The following RORA variants were observed in gnomAD, a reference collection of about 807,000 sequenced individuals.
The protein encoded by RORA is nuclear receptor ROR-alpha.
Under a neutral mutation model 69.5 loss-of-function variants are expected in RORA, and 7 were observed. The ratio of observed to expected loss-of-function variants is 0.10; its 90% CI spans 0.06 to 0.19. The LOEUF is 0.19. Among genes scored for constraint, RORA ranks in the 10% least tolerant of loss-of-function variants. RORA has a pLI of 1.00. For missense variants in RORA, 457 were observed against 663.0 expected (o/e 0.69, Z 3.41); for synonymous variants, 261 against 240.8 (o/e 1.08, Z -0.78).
At chr15:61,225,249 GC>G (rs1219072810) in intron 1 of RORA, among the ~76,000 whole-genome samples, 1 of 152,012 alleles carries the variant, frequency 6.6e-6, no homozygotes, top group East Asian at 1.9e-4. Flanking sequence ...TCTGGCAAAG[GC>G]TTTTCTCCCA....
intron 2 of RORA, among the ~76,000 whole-genome samples, chr15:60,536,574 A>G (rs1164924995): frequency 6.6e-6 from 1 of 152,268 alleles, no homozygotes; most frequent in East Asian, 1.9e-4. Flanking sequence ...AAGTTTTACA[A>G]AATTAAAGTT....
chr15:60,665,688 C>T (rs1358166687), intron 2 of RORA, among the ~76,000 whole-genome samples: 2 of 152,028 alleles, frequency 1.3e-5, no homozygotes, highest in Non-Finnish European at 1.5e-5. Flanking sequence ...AATACCTATT[C>T]TTTCTTTCTT....
chr15:61,003,756 C>T (rs1168659650), intron 1 of RORA, among the ~76,000 whole-genome samples: 1 of 152,074 alleles, frequency 6.6e-6, no homozygotes, highest in Non-Finnish European at 1.5e-5. Context: ...TACAGGACTG[C>T]TTTTAGAAGA....
chr15:61,150,266 C>T (rs960726224), intron 1 of RORA, among the ~76,000 whole-genome samples: 1 of 152,132 alleles, frequency 6.6e-6, no homozygotes, highest in Non-Finnish European at 1.5e-5. Flanking sequence ...CATTTATTGG[C>T]CTCCTTCAGT....
intron 1 of RORA, among the ~76,000 whole-genome samples, chr15:60,792,801 C>T (rs572479377): frequency 6.6e-6 from 1 of 152,260 alleles, no homozygotes; most frequent in African/African-American, 2.4e-5. Flanking sequence ...AGGGAAATGA[C>T]ACCAAATGGT....
rs932460684 is a variant in RORA, at chr15:60,946,711, G to A, written c.167-268025C>T. Among the ~76,000 whole-genome samples the A allele has an allele frequency of 4.6e-5, 7 of 151,344 alleles. No individual in the cohort carries two copies. In the East Asian group the frequency reaches 8.0e-4, roughly 17 times the overall value. On this transcript the variant is annotated intron_variant, in intron 1 of 10. Transcript: ENST00000335670. The stretch of plus-strand genomic sequence containing the variant: ...CCACCCCGTCTGGGAAGTGAGGAGC[G>A]TCTCTGCCTGGCTGCCCATCGTCTG...
At chr15:60,946,445 T>G (rs1433485523) in intron 1 of RORA, among the ~76,000 whole-genome samples, 4 of 152,216 alleles carry the variant, frequency 2.6e-5, no homozygotes, top group African/African-American at 9.6e-5. Flanking sequence ...TTTTCGTATT[T>G]TTTTGGTGGA....
intron 1 of RORA, among the ~76,000 whole-genome samples, chr15:61,083,812 C>A (rs891605329): frequency 6.6e-6 from 1 of 152,032 alleles, no homozygotes; most frequent in Admixed American, 6.5e-5. Flanking sequence ...ACGTAGGCTT[C>A]TCTTGTTTAT....
intron 1 of RORA, among the ~76,000 whole-genome samples, chr15:61,103,753 G>A (rs2078913073): frequency 6.6e-6 from 1 of 152,152 alleles, no homozygotes; most frequent in Non-Finnish European, 1.5e-5. Flanking sequence ...ACCTTTATGT[G>A]TGGGCAACAC....
intron 1 of RORA, among the ~76,000 whole-genome samples, chr15:60,868,566 G>A (rs1023515904): frequency 6.6e-6 from 1 of 152,154 alleles, no homozygotes; most frequent in Non-Finnish European, 1.5e-5. Flanking sequence ...AACCCTGCCT[G>A]TGTGGCTACT....
chr15:60,516,197 T>TTATATTTA (rs2065936933), intron 3 of RORA, among the ~76,000 whole-genome samples: 1 of 13,216 alleles, frequency 7.6e-5, no homozygotes, highest in Non-Finnish European at 1.2e-4. Context: ...ATATATATAT[T>TTATATTTA]TATATATATA....
At chr15:60,581,343 G>A (rs2068187845) in intron 2 of RORA, among the ~76,000 whole-genome samples, 1 of 152,146 alleles carries the variant, frequency 6.6e-6, no homozygotes, top group Admixed American at 6.5e-5. Flanking sequence ...AAATGCTTCT[G>A]TTTTACGAGA....
At chr15:61,052,081 T>C (rs1249472779) in intron 1 of RORA, among the ~76,000 whole-genome samples, 1 of 152,222 alleles carries the variant, frequency 6.6e-6, no homozygotes, top group Admixed American at 6.5e-5. Flanking sequence ...AGACAGAGGA[T>C]GCCTGGTGAG....
intron 1 of RORA, among the ~76,000 whole-genome samples, chr15:61,043,755 C>A (rs943444892): frequency 2.0e-5 from 3 of 152,086 alleles, no homozygotes; most frequent in Non-Finnish European, 4.4e-5. Context: ...TAGAAGAAGG[C>A]AGGAGGCAAG....
At chr15:60,871,930 C>G (rs1193297041) in intron 1 of RORA, among the ~76,000 whole-genome samples, 1 of 152,192 alleles carries the variant, frequency 6.6e-6, no homozygotes, top group South Asian at 2.1e-4. Context: ...AAGATGTTAA[C>G]GTTGGGAGAC....
chr15:60,491,230 C>T lies in RORA; in HGVS notation c.*6225G>A, dbSNP rs2065035174. 1 of 152,054 alleles carries T rather than the reference C, an allele frequency of 6.6e-6. No homozygotes were observed. The highest frequency in any genetic ancestry group is 1.5e-5 in the Non-Finnish European group (1 of 67,974). 9.4% of individuals were successfully genotyped at this position (152,054 alleles called of 1,614,324 possible). On this transcript the variant is annotated 3_prime_UTR_variant, in exon 11 of 11. Transcript: ENST00000335670. The stretch of plus-strand genomic sequence containing the variant: ...AGTTCCTAGAAATAGTATTCATCCA[C>T]ATTAAAGTAATAATGATGAAAAAGG...
At chr15:61,170,582 G>A (rs2079576683) in intron 1 of RORA, among the ~76,000 whole-genome samples, 1 of 152,180 alleles carries the variant, frequency 6.6e-6, no homozygotes, top group Admixed American at 6.5e-5. Context: ...TCTAGGGATT[G>A]GGGTATGGAC....
chr15:60,712,171 T>C (rs1265336206), intron 1 of RORA, among the ~76,000 whole-genome samples: 1 of 152,212 alleles, frequency 6.6e-6, no homozygotes, highest in East Asian at 1.9e-4. Flanking sequence ...TTGGGGATGA[T>C]GAAGACTTAT....
chr15:60,511,537 C>CGCT lies in RORA; in HGVS notation c.506_508dup (p.Gln169dup), dbSNP rs775294989. On this transcript the variant is annotated inframe_insertion, in exon 5 of 11. Transcript: ENST00000335670. The surrounding 1 kb of genome is among the most constrained non-coding windows in gnomAD (Gnocchi z 6.4). ...CTCTCCAGGCTGCTGCTGGTGGTCG[C>CGCT]GCTGCTGCTGCTGCATCCGGTGTTT... 1.5e-5 allele frequency: 25 copies of CGCT among 1,613,704 alleles called. No homozygotes were observed. Among genetic ancestry groups the CGCT allele is most frequent in the East Asian group, 6.7e-5 (3 of 44,880 alleles).
Sources: gnomAD v4.1 joint callset for allele counts (sites outside exome capture counted in the v4.1 genomes callset) on GRCh38, gnomAD v4.1.1 for gene constraint, Gnocchi (gnomAD v3.1) non-coding constraint, MANE v1.5 for transcripts, NCBI Gene and HGNC (gene_info 2026-07-23, HGNC 2026-07-21) for gene names.